Variants in MICU3 observed in about 807,000 individuals in gnomAD.
MICU3 encodes the protein mitochondrial calcium uptake 3.
In MICU3, 62 loss-of-function variants were observed where a neutral mutation model predicts 66.5. The observed-to-expected ratio is 0.93, with a 90% CI of 0.76 to 1.15. The LOEUF is 1.15. MICU3 is among the 50% of genes most tolerant of loss of function. The pLI, the probability that MICU3 is intolerant of heterozygous loss-of-function variation, is 0.00. For synonymous variants in MICU3, 308 were observed against 240.7 expected, an observed-to-expected ratio of 1.28 and a Z score of -2.59; for missense variants, 779 against 664.4, an observed-to-expected ratio of 1.17 and a Z score of -1.90.
chr8:17,071,893 T>C (rs1369269214), intron 3 of MICU3, among the ~76,000 whole-genome samples: 1 of 152,152 alleles, frequency 6.6e-6, no homozygotes, highest in East Asian at 1.9e-4. Flanking sequence ...AATTATGTTT[T>C]TAAAAATACA....
chr8:17,114,951 C>T (rs1007581381), intron 12 of MICU3, among the ~76,000 whole-genome samples: 2 of 151,880 alleles, frequency 1.3e-5, no homozygotes, highest in African/African-American at 4.8e-5. Context: ...AACCCCGTCT[C>T]TACTAAAAAT....
At position 17,105,481 on chromosome 8, in the gene MICU3, C is replaced by T; in HGVS notation, c.1154C>T (p.Thr385Ile). The T allele has an allele frequency of 6.4e-7, 1 of 1,572,546 alleles. No individual in the cohort carries two copies. The highest frequency in any genetic ancestry group is 8.7e-7 in the Non-Finnish European group (1 of 1,153,970). ...EFLSYSNGMN[T>I]ISEEDFAHIL... ...CTTTCCTACTCAAATGGAATGAATA[C>T]CATCAGTGAAGAAGATTTTGCTCAT... is the stretch of plus-strand genomic sequence containing the variant. The change falls in exon 11 of 15, where the codon ACC becomes ATC. Residue 385 changes from threonine to isoleucine, a missense_variant. Thr to Ile is a moderately conservative substitution (Grantham distance 89). Coordinates refer to ENST00000318063, the MANE Select transcript of MICU3 (RefSeq NM_181723.3).
intron 1 of MICU3, among the ~76,000 whole-genome samples, chr8:17,028,050 G>A (rs1811330686): frequency 6.6e-6 from 1 of 152,162 alleles, no homozygotes; most frequent in African/African-American, 2.4e-5. Flanking sequence ...CAGGAGGTCT[G>A]TTGCATTAGA....
chr8:17,120,118 G>A (rs975322983), intron 14 of MICU3, among the ~76,000 whole-genome samples, 170 bp from the exon 15 acceptor site: 2 of 152,126 alleles, frequency 1.3e-5, no homozygotes, highest in African/African-American at 4.8e-5. Context: ...GGATTGCACA[G>A]ATTACTAAAC....
chr8:17,112,450 TCTGA>T (rs1382449643), intron 11 of MICU3, among the ~76,000 whole-genome samples: 8 of 152,316 alleles, frequency 5.3e-5, no homozygotes, highest in South Asian at 2.1e-4. Flanking sequence ...TCTGCCCCTC[TCTGA>T]CTGTCTGTCC....
At chr8:17,081,831 A>G (rs1239663195) in intron 5 of MICU3, 91 bp downstream of exon 5, 1 of 641,104 alleles carries the variant, frequency 1.6e-6, no homozygotes, top group African/African-American at 1.8e-5. Context: ...TACTCTTGAA[A>G]ATCAATATCC....
At chr8:17,113,424 A>T (rs999810783) in intron 11 of MICU3, among the ~76,000 whole-genome samples, 4 of 152,238 alleles carry the variant, frequency 2.6e-5, no homozygotes, top group Non-Finnish European at 5.9e-5. Context: ...CAGTGGCAAT[A>T]ATTGCAGTTT....
intron 1 of MICU3, among the ~76,000 whole-genome samples, chr8:17,057,729 C>T (rs955216066): frequency 6.6e-6 from 1 of 152,094 alleles, no homozygotes; most frequent in Non-Finnish European, 1.5e-5. Flanking sequence ...TAATGATTTT[C>T]AGTTTAGCAA....
chr8:17,069,689 TGC>T lies in MICU3; in HGVS notation c.538_539del (p.Ala180GlnfsTer33). On this transcript the variant is annotated frameshift_variant and splice_region_variant, in exon 3 of 15. Transcript: ENST00000318063. LOFTEE classifies it high-confidence loss of function. ...TTATCTTACATTTGTTTATTTTAGT[TGC>T]CAAAACTTGGAAGTCACTTTCCAAA... The part of the protein sequence containing the change: ...LAVTTDEPKV[A>X]KTWKSLSKQE... 1 of 1,534,670 alleles carries T rather than the reference TGC, an allele frequency of 6.5e-7. No homozygotes were observed. The highest frequency in any genetic ancestry group is 8.8e-7 in the Non-Finnish European group (1 of 1,135,024).
At chr8:17,119,552 G>GATAGATAGATAGATAGATAGATAGATAA (rs1803024303) in intron 14 of MICU3, among the ~76,000 whole-genome samples, 3 of 148,634 alleles carry the variant, frequency 2.0e-5, no homozygotes, top group African/African-American at 7.4e-5. Context: ...TAGATAGATA[G>GATAGATAGATAGATAGATAGATAGATAA]ATAGATAGAT....
intron 11 of MICU3, among the ~76,000 whole-genome samples, chr8:17,110,419 G>A (rs955084239): frequency 1.3e-5 from 2 of 151,312 alleles, no homozygotes; most frequent in Admixed American, 6.6e-5. Flanking sequence ...GTCCCTTCCC[G>A]TTTCCTTCTC....
intron 13 of MICU3, 47 bp downstream of exon 13, chr8:17,116,647 A>C (rs747691819): frequency 7.6e-7 from 1 of 1,318,758 alleles, no homozygotes; most frequent in South Asian, 1.5e-5. Flanking sequence ...TTAAAGTCTG[A>C]GGGAAATCAA....
At position 17,045,298 on chromosome 8, in the gene MICU3, C is replaced by T. The variant is rs558798060; in HGVS notation, c.381+17638C>T. On this transcript the variant is annotated intron_variant, in intron 1 of 14. Transcript: ENST00000318063. ...CTGCCTGCCTTTCACCTGCCCACAG[C>T]AGGACTCTAATCTGATTGAAGATCA... 3.9e-5 allele frequency among the ~76,000 whole-genome samples: 6 copies of T among 152,258 alleles called. 1 individual carries two copies. The South Asian group carries it at 1.0e-3, about 26-fold the overall frequency.
At chr8:17,027,864 A>G (rs796175017) in intron 1 of MICU3, among the ~76,000 whole-genome samples, 9 of 152,336 alleles carry the variant, frequency 5.9e-5, no homozygotes, top group African/African-American at 2.2e-4. Flanking sequence ...TCCCTGATGC[A>G]TCAGGACCTT....
At chr8:17,079,268 T>C (rs1820829963) in intron 4 of MICU3, among the ~76,000 whole-genome samples, 1 of 152,142 alleles carries the variant, frequency 6.6e-6, no homozygotes, top group South Asian at 2.1e-4. Context: ...ACTTGAAATG[T>C]GTCTAGCGTA....
chr8:17,028,914 A>G (rs1811513020), intron 1 of MICU3, among the ~76,000 whole-genome samples: 1 of 151,744 alleles, frequency 6.6e-6, no homozygotes, highest in African/African-American at 2.4e-5. Flanking sequence ...AGGGAATTCA[A>G]GTAGTATTTT....
chr8:17,128,014 G>A, the MICU3 span, among the ~76,000 whole-genome samples: 1 of 152,160 alleles, frequency 6.6e-6, no homozygotes, highest in Non-Finnish European at 1.5e-5. Flanking sequence ...AGGCTCCTCA[G>A]CTAGAGCAAC....
intron 1 of MICU3, among the ~76,000 whole-genome samples, chr8:17,059,231 A>G (rs979336107): frequency 6.6e-6 from 1 of 152,194 alleles, no homozygotes; most frequent in African/African-American, 2.4e-5. Flanking sequence ...TTGTTTGGGG[A>G]CTAGTATTTA....
chr8:17,107,930 A>G (rs1801877788), intron 11 of MICU3, among the ~76,000 whole-genome samples: 1 of 152,226 alleles, frequency 6.6e-6, no homozygotes, highest in South Asian at 2.1e-4. Context: ...TGGCTTTGAA[A>G]GGAAGAGACA....
Sources: gnomAD v4.1 joint callset for allele counts (sites outside exome capture counted in the v4.1 genomes callset) on GRCh38, gnomAD v4.1.1 for gene constraint, MANE v1.5 for transcripts, NCBI Gene and HGNC (gene_info 2026-07-23, HGNC 2026-07-21) for gene names.